Variants in CACNA2D1 observed in about 807,000 individuals in gnomAD.
The protein encoded by CACNA2D1 is voltage-dependent calcium channel subunit alpha-2/delta-1.
CACNA2D1 carries 53 observed loss-of-function variants against 171.5 expected under a neutral mutation model. The observed-to-expected ratio is 0.31, with a 90% confidence interval of 0.25 to 0.39. The LOEUF (loss-of-function observed/expected upper bound fraction) is 0.39, where lower values mean the gene tolerates loss of function less well. CACNA2D1 is among the 10% of genes least tolerant of loss of function. The pLI, the probability that CACNA2D1 is intolerant of heterozygous loss-of-function variation, is 1.00. For synonymous variants in CACNA2D1, 442 were observed against 443.1 expected (o/e 1.00, Z 0.03); for missense variants, 903 against 1,299.8 (o/e 0.69, Z 4.69).
chr7:82,312,163 A>G (rs1241168771), intron 3 of CACNA2D1, among the ~76,000 whole-genome samples: 1 of 152,222 alleles, frequency 6.6e-6, no homozygotes, highest in African/African-American at 2.4e-5. Context: ...CAAGGTTAAT[A>G]AGACTAAAAC....
chr7:82,440,729 C>CA (rs941659691), intron 1 of CACNA2D1, among the ~76,000 whole-genome samples: 1 of 151,472 alleles, frequency 6.6e-6, no homozygotes, highest in Non-Finnish European at 1.5e-5. Flanking sequence ...AACAGGAGAG[C>CA]AAAAAATGAA....
chr7:82,185,153 A>G (rs1424297933), intron 3 of CACNA2D1, among the ~76,000 whole-genome samples: 1 of 152,106 alleles, frequency 6.6e-6, no homozygotes, highest in East Asian at 1.9e-4. Context: ...CATACAGTAG[A>G]GCATACCTAT....
At chr7:81,977,671 T>C (rs149248534) in intron 24 of CACNA2D1, among the ~76,000 whole-genome samples, 1,620 of 152,308 alleles carry the variant, frequency 0.011, 22 homozygotes, top group African/African-American at 0.034. Flanking sequence ...ATTCAGGGCA[T>C]AGGCATGGGC....
chr7:82,168,749 GTTA>G (rs1795723232), intron 4 of CACNA2D1, among the ~76,000 whole-genome samples: 1 of 152,048 alleles, frequency 6.6e-6, no homozygotes, highest in Non-Finnish European at 1.5e-5. Flanking sequence ...TACTTGCCAA[GTTA>G]TTTTTTTCCA....
chr7:81,958,532 C>CTAATGTAGTACA (rs1793712263), intron 38 of CACNA2D1, among the ~76,000 whole-genome samples: 1 of 151,810 alleles, frequency 6.6e-6, no homozygotes, highest in Non-Finnish European at 1.5e-5. Flanking sequence ...AAGCATAAAG[C>CTAATGTAGTACA]TAATGTAGTA....
chr7:82,174,647 A>G (rs1796378530), intron 3 of CACNA2D1, among the ~76,000 whole-genome samples: 1 of 152,094 alleles, frequency 6.6e-6, no homozygotes, highest in African/African-American at 2.4e-5. Context: ...ATCAAAACCA[A>G]AACACTAGAA....
chr7:82,174,503 G>C (rs1796366378), intron 3 of CACNA2D1, among the ~76,000 whole-genome samples: 1 of 151,984 alleles, frequency 6.6e-6, no homozygotes, highest in East Asian at 1.9e-4. Flanking sequence ...CACTATAAAG[G>C]TTTTAAGGAC....
At chr7:82,370,403 G>A (rs1822253119) in intron 1 of CACNA2D1, among the ~76,000 whole-genome samples, 1 of 151,632 alleles carries the variant, frequency 6.6e-6, no homozygotes, top group Non-Finnish European at 1.5e-5. Context: ...AAATTATCAG[G>A]AAAAAATGAT....
rs546313588 is a variant in CACNA2D1 at position 81,965,756 on chromosome 7, A to G, written c.2503-91T>C. The G allele has an allele frequency of 2.4e-4, 187 of 790,508 alleles. No individual in the cohort carries two copies. In the East Asian group the frequency reaches 4.6e-3, roughly 19 times the overall value. 49.0% of individuals were successfully genotyped at this position (790,508 alleles called of 1,614,324 possible). A position where few individuals can be genotyped will look rare whatever the true frequency, so the allele number is the denominator to read the frequency against. On this transcript the variant is annotated intron_variant, in intron 31 of 38. Transcript: ENST00000356860. ...CCATTATATACATGATTAGAGCAAT[A>G]AAAATAGAAAATTTTAAATGCCTAT...
At chr7:82,191,551 T>C (rs1056601560) in intron 3 of CACNA2D1, among the ~76,000 whole-genome samples, 3 of 151,842 alleles carry the variant, frequency 2.0e-5, no homozygotes, top group African/African-American at 4.8e-5. Context: ...AATTACCCCG[T>C]GTAAAATCTT....
At chr7:82,209,347 G>A (rs985373835) in intron 3 of CACNA2D1, among the ~76,000 whole-genome samples, 13 of 152,196 alleles carry the variant, frequency 8.5e-5, no homozygotes, top group South Asian at 6.2e-4. Flanking sequence ...TTTATTGAAG[G>A]GATTTATGTC....
intron 3 of CACNA2D1, among the ~76,000 whole-genome samples, chr7:82,184,103 G>C (rs1797422680): frequency 6.7e-6 from 1 of 150,232 alleles, no homozygotes; most frequent in Admixed American, 6.6e-5. Context: ...AAAATGAAAA[G>C]TGTGATCTTA....
chr7:82,206,879 T>A (rs1800048315), intron 3 of CACNA2D1, among the ~76,000 whole-genome samples: 1 of 152,180 alleles, frequency 6.6e-6, no homozygotes, highest in African/African-American at 2.4e-5. Context: ...ATCCTATATA[T>A]AATATTCTTT....
intron 6 of CACNA2D1, among the ~76,000 whole-genome samples, chr7:82,107,579 AAAT>A (rs144449471): frequency 0.077 from 10,901 of 142,292 alleles, 530 homozygotes; most frequent in South Asian, 0.16. Context: ...ATTACAATGA[AAAT>A]AAACTTTTTT....
At chr7:82,225,907 C>T (rs1026837721) in intron 3 of CACNA2D1, among the ~76,000 whole-genome samples, 5 of 152,046 alleles carry the variant, frequency 3.3e-5, no homozygotes, top group African/African-American at 1.2e-4. Flanking sequence ...TTTATTAGGA[C>T]TAAGGCCTGT....
intron 38 of CACNA2D1, among the ~76,000 whole-genome samples, chr7:81,952,493 G>T (rs542808515): frequency 1.3e-5 from 2 of 152,224 alleles, no homozygotes; most frequent in African/African-American, 4.8e-5. Context: ...AATCTAAATA[G>T]AATCATAAAA....
chr7:82,060,936 A>C (rs1227373605), intron 9 of CACNA2D1, among the ~76,000 whole-genome samples: 1 of 152,152 alleles, frequency 6.6e-6, no homozygotes, highest in Admixed American at 6.5e-5. Flanking sequence ...ATAAATCCAC[A>C]TAACAATTAT....
intron 3 of CACNA2D1, among the ~76,000 whole-genome samples, chr7:82,297,490 T>C (rs985929691): frequency 6.6e-6 from 1 of 152,158 alleles, no homozygotes; most frequent in Non-Finnish European, 1.5e-5. Flanking sequence ...TGTTGCACAA[T>C]AGAAAGAATG....
chr7:82,226,161 A>G (rs890748491), intron 3 of CACNA2D1, among the ~76,000 whole-genome samples: 8 of 152,170 alleles, frequency 5.3e-5, no homozygotes, highest in South Asian at 2.1e-4. Context: ...CATCTTATTT[A>G]TGGCAAAGTA....
Sources: allele counts gnomAD v4.1 joint callset (sites outside exome capture counted in the v4.1 genomes callset), GRCh38; gene constraint gnomAD v4.1.1; transcripts MANE v1.5; gene names NCBI Gene and HGNC (gene_info 2026-07-23, HGNC 2026-07-21).